Variants in ENOX1 observed in about 807,000 individuals in gnomAD.
ENOX1 encodes the protein ecto-NOX disulfide-thiol exchanger 1.
Under a neutral mutation model 82.5 loss-of-function variants are expected in ENOX1, and 42 were observed. That is an observed-to-expected ratio of 0.51 (90% CI 0.40 to 0.66). The LOEUF is 0.66. ENOX1 is among the 30% of genes least tolerant of loss of function. ENOX1 has a pLI of 0.00. For synonymous variants in ENOX1, 271 were observed against 282.2 expected (o/e 0.96, Z 0.40); for missense variants, 608 against 811.6 (o/e 0.75, Z 3.05).
intron 8 of ENOX1, among the ~76,000 whole-genome samples, chr13:43,350,182 G>A (rs1203046078): frequency 1.3e-5 from 2 of 152,152 alleles, no homozygotes; most frequent in Non-Finnish European, 2.9e-5. Context: ...TTTATAAAGC[G>A]AATTCTCCTT....
chr13:43,543,461 TG>T (rs1199344303), intron 2 of ENOX1, among the ~76,000 whole-genome samples: 2 of 152,098 alleles, frequency 1.3e-5, no homozygotes, highest in Non-Finnish European at 2.9e-5. Flanking sequence ...TTTTGTGTGT[TG>T]ATTTATCATA....
At chr13:43,303,322 T>C (rs1210445880) in intron 11 of ENOX1, among the ~76,000 whole-genome samples, 1 of 152,238 alleles carries the variant, frequency 6.6e-6, no homozygotes, top group Non-Finnish European at 1.5e-5. Flanking sequence ...TATGGCCCAG[T>C]GACAGGGACT....
In ENOX1 at chr13:43,484,175, C is replaced by T. The variant is rs1017587404; in HGVS notation, c.-218-23G>A. 6 of 984,522 alleles carry T rather than the reference C, an allele frequency of 6.1e-6. No homozygotes were observed. The African/African-American group carries it at 7.0e-5, about 11-fold the overall frequency. 61.0% of individuals were successfully genotyped at this position (984,522 alleles called of 1,614,324 possible). A position where few individuals can be genotyped will look rare whatever the true frequency, so the allele number is the denominator to read the frequency against. On this transcript the variant is annotated intron_variant, in intron 2 of 16. Coordinates refer to ENST00000690772, the MANE Select transcript of ENOX1 (RefSeq NM_001347969.2). Reference sequence around the variant, plus strand: ...CTTCTGGAAGCAAAGAAAAGCACACCGTTAGGATATGTCTAAAGTACCATT... The same window carrying T: ...CTTCTGGAAGCAAAGAAAAGCACACTGTTAGGATATGTCTAAAGTACCATT...
chr13:43,275,682 T>G (rs1244242091), intron 12 of ENOX1, among the ~76,000 whole-genome samples: 1 of 152,230 alleles, frequency 6.6e-6, no homozygotes, highest in African/African-American at 2.4e-5. Context: ...AATCTGCTAA[T>G]ATTTATTCAT....
At chr13:43,589,897 A>AG (rs2081167236) in intron 2 of ENOX1, among the ~76,000 whole-genome samples, 1 of 34,086 alleles carries the variant, frequency 2.9e-5, no homozygotes, top group African/African-American at 1.8e-4. Flanking sequence ...TCTATTCTGC[A>AG]AAAAAAAAAA....
chr13:43,452,934 C>T lies in ENOX1; in HGVS notation c.-75+31075G>A, dbSNP rs2057043072. 3.3e-5 allele frequency among the ~76,000 whole-genome samples: 5 copies of T among 152,256 alleles called. No homozygotes were observed. In the South Asian group the frequency reaches 1.0e-3, roughly 32 times the overall value. On this transcript the variant is annotated intron_variant, in intron 3 of 16. Coordinates refer to ENST00000690772, the MANE Select transcript of ENOX1 (RefSeq NM_001347969.2). Reference sequence around the variant, plus strand: ...TGTTTTAGATTAATCCTGTTATAGTCTGTTAGATGATCATTTGAATGGTTA... The same window carrying T: ...TGTTTTAGATTAATCCTGTTATAGTTTGTTAGATGATCATTTGAATGGTTA...
chr13:43,643,648 TAC>T (rs752248241), intron 2 of ENOX1, among the ~76,000 whole-genome samples: 5 of 150,132 alleles, frequency 3.3e-5, no homozygotes, highest in African/African-American at 7.4e-5. Flanking sequence ...TATATATATA[TAC>T]ACACACATAT....
intron 2 of ENOX1, among the ~76,000 whole-genome samples, chr13:43,581,122 A>ATTTT (rs1351057664): frequency 6.9e-4 from 59 of 85,046 alleles, no homozygotes; most frequent in South Asian, 1.2e-3. Context: ...GCACTACCTG[A>ATTTT]TTCTTTTTTT....
chr13:43,523,461 A>C (rs2077858306), intron 2 of ENOX1, among the ~76,000 whole-genome samples: 2 of 152,192 alleles, frequency 1.3e-5, no homozygotes, highest in South Asian at 4.1e-4. Flanking sequence ...GACTAAAGAG[A>C]AGATGCGAGG....
intron 1 of ENOX1, among the ~76,000 whole-genome samples, chr13:43,735,757 G>A (rs2089597726): frequency 6.6e-6 from 1 of 151,860 alleles, no homozygotes; most frequent in African/African-American, 2.4e-5. Context: ...AAAATAAAAT[G>A]TGAGAGATAA....
At position 43,591,217 on chromosome 13, in the gene ENOX1, TAAAA is replaced by T. The variant is rs1396104035; in HGVS notation, c.-219+76258_-219+76261del. Among the ~76,000 whole-genome samples the T allele has an allele frequency of 3.9e-5, 6 of 152,174 alleles. No homozygotes were observed. The East Asian group carries it at 1.2e-3, about 29-fold the overall frequency. On this transcript the variant is annotated intron_variant, in intron 2 of 16. Coordinates refer to ENST00000690772, the MANE Select transcript of ENOX1 (RefSeq NM_001347969.2). ...ATTATTTGTAGTAGCAAAATAAAAA[TAAAA>T]AACCCAACTATGAACAATTCAAATG...
intron 3 of ENOX1, among the ~76,000 whole-genome samples, chr13:43,467,426 C>T (rs953105679): frequency 7.2e-5 from 11 of 152,284 alleles, no homozygotes; most frequent in African/African-American, 2.6e-4. Flanking sequence ...TTTTGATTTA[C>T]ATGTCTTAAG....
At chr13:43,654,836 T>TCC (rs1302863587) in intron 2 of ENOX1, among the ~76,000 whole-genome samples, 1 of 152,210 alleles carries the variant, frequency 6.6e-6, no homozygotes, top group Non-Finnish European at 1.5e-5. Context: ...GATGGAACTA[T>TCC]CCCTTCATTT....
At chr13:43,425,701 G>A (rs936737454) in intron 3 of ENOX1, among the ~76,000 whole-genome samples, 1 of 152,142 alleles carries the variant, frequency 6.6e-6, no homozygotes, top group Non-Finnish European at 1.5e-5. Flanking sequence ...AATATTTTGT[G>A]TCAACATGCA....
At chr13:43,691,299 G>A (rs1193673821) in intron 1 of ENOX1, among the ~76,000 whole-genome samples, 1 of 151,574 alleles carries the variant, frequency 6.6e-6, no homozygotes, top group Non-Finnish European at 1.5e-5. Context: ...TCTTAGTCCG[G>A]GTGCCCATCA....
intron 5 of ENOX1, among the ~76,000 whole-genome samples, chr13:43,378,194 G>A (rs780193809): frequency 6.6e-6 from 1 of 152,196 alleles, no homozygotes; most frequent in African/African-American, 2.4e-5. Context: ...AAAACAAAGT[G>A]AGCCATATGA....
chr13:43,481,049 G>A (rs879147971), intron 3 of ENOX1, among the ~76,000 whole-genome samples: 1 of 152,082 alleles, frequency 6.6e-6, no homozygotes, highest in African/African-American at 2.4e-5. Flanking sequence ...GAAAACTACA[G>A]GCCAATATCC....
intron 5 of ENOX1, among the ~76,000 whole-genome samples, chr13:43,410,413 A>G (rs2153597960): frequency 6.6e-6 from 1 of 152,302 alleles, no homozygotes; most frequent in East Asian, 1.9e-4. Context: ...ACCTCCCTAG[A>G]GCAGACTAAT....
chr13:43,292,236 T>C (rs201743125), intron 12 of ENOX1, among the ~76,000 whole-genome samples: 1 of 151,988 alleles, frequency 6.6e-6, no homozygotes, highest in East Asian at 1.9e-4. Context: ...ACGAATAAGA[T>C]TGCATGAGAA....
Sources: allele counts gnomAD v4.1 joint callset (sites outside exome capture counted in the v4.1 genomes callset), GRCh38; gene constraint gnomAD v4.1.1; transcripts MANE v1.5; gene names NCBI Gene and HGNC (gene_info 2026-07-23, HGNC 2026-07-21).